Variants in KCNH8 observed in about 807,000 individuals in gnomAD.
KCNH8 encodes potassium voltage-gated channel subfamily H member 8, also known as voltage-gated delayed rectifier potassium channel KCNH8.
A neutral mutation model predicts 103.6 loss-of-function variants in KCNH8; 70 were observed. The observed-to-expected ratio is 0.68, with a 90% CI of 0.56 to 0.82. KCNH8 has a LOEUF of 0.82. KCNH8 is among the 40% of genes least tolerant of loss of function. The pLI is 0.00. For missense variants in KCNH8, 1,217 were observed against 1,329.9 expected (o/e 0.92, Z 1.32); for synonymous variants, 498 against 489.4 (o/e 1.02, Z -0.23).
At chr3:19,294,093 T>G (rs911149997) in intron 3 of KCNH8, among the ~76,000 whole-genome samples, 1 of 152,220 alleles carries the variant, frequency 6.6e-6, no homozygotes, top group African/African-American at 2.4e-5. Flanking sequence ...AATGTGTTCT[T>G]ACTGCTGGTA....
At chr3:19,283,576 T>C (rs537374056) in intron 3 of KCNH8, among the ~76,000 whole-genome samples, 65 of 152,130 alleles carry the variant, frequency 4.3e-4, no homozygotes, top group African/African-American at 1.5e-3. Flanking sequence ...TACCTTATTA[T>C]AAATGTCCCA....
chr3:19,510,259 C>T (rs2068760683), intron 11 of KCNH8, 104 bp from the exon 12 acceptor site: 4 of 743,058 alleles, frequency 5.4e-6, no homozygotes, highest in Non-Finnish European at 7.3e-6. Flanking sequence ...CCTTCCCTCC[C>T]ACAAACTCTG....
intron 11 of KCNH8, among the ~76,000 whole-genome samples, chr3:19,507,193 G>T (rs1384977173): frequency 1.3e-5 from 2 of 152,230 alleles, no homozygotes; most frequent in Non-Finnish European, 2.9e-5. Flanking sequence ...TATGGTGGCT[G>T]TGGTGTGCTT....
chr3:19,234,437 C>A (rs903676974), intron 1 of KCNH8, among the ~76,000 whole-genome samples: 2 of 152,248 alleles, frequency 1.3e-5, no homozygotes, highest in African/African-American at 4.8e-5. Context: ...CCGCGAGAAG[C>A]CAGCTAAGGC....
At chr3:19,306,583 T>G (rs1158194474) in intron 3 of KCNH8, among the ~76,000 whole-genome samples, 1 of 152,040 alleles carries the variant, frequency 6.6e-6, no homozygotes, top group East Asian at 1.9e-4. Flanking sequence ...TACCTAAGTT[T>G]CCATCTGAAG....
At chr3:19,430,369 G>A (rs1441874039) in intron 7 of KCNH8, among the ~76,000 whole-genome samples, 4 of 151,860 alleles carry the variant, frequency 2.6e-5, no homozygotes, top group African/African-American at 9.7e-5. Flanking sequence ...GGTTACTGTA[G>A]CCTGGTAGTA....
chr3:19,335,193 A>G (rs2065565923), intron 3 of KCNH8, among the ~76,000 whole-genome samples: 1 of 151,872 alleles, frequency 6.6e-6, no homozygotes, highest in South Asian at 2.1e-4. Flanking sequence ...CCTTTTTAAA[A>G]AACACAAATG....
intron 1 of KCNH8, among the ~76,000 whole-genome samples, chr3:19,212,105 C>T (rs2063777060): frequency 1.3e-5 from 2 of 152,182 alleles, no homozygotes; most frequent in Admixed American, 6.5e-5. Flanking sequence ...CTTGGGATTA[C>T]ATTATCACCT....
At chr3:19,226,026 T>C (rs970749493) in intron 1 of KCNH8, among the ~76,000 whole-genome samples, 1 of 152,234 alleles carries the variant, frequency 6.6e-6, no homozygotes, top group Non-Finnish European at 1.5e-5. Context: ...TATTTTGAAG[T>C]AATTCTTTTG....
At chr3:19,326,346 A>G (rs887957202) in intron 3 of KCNH8, among the ~76,000 whole-genome samples, 1 of 123,384 alleles carries the variant, frequency 8.1e-6, no homozygotes, top group East Asian at 2.2e-4. Context: ...TGAACTTACA[A>G]TGAAAGTTAA....
At chr3:19,198,374 G>A (rs2063623065) in intron 1 of KCNH8, among the ~76,000 whole-genome samples, 1 of 151,998 alleles carries the variant, frequency 6.6e-6, no homozygotes. Flanking sequence ...AGCAAGTAGA[G>A]CAAACAAGGC....
At chr3:19,482,810 G>C (rs988621794) in intron 11 of KCNH8, among the ~76,000 whole-genome samples, 2 of 152,162 alleles carry the variant, frequency 1.3e-5, no homozygotes, top group African/African-American at 2.4e-5. Flanking sequence ...TCAGCTGCTA[G>C]CAAGTAGTAG....
At chr3:19,337,844 T>C (rs1428525397) in intron 3 of KCNH8, among the ~76,000 whole-genome samples, 3 of 152,028 alleles carry the variant, frequency 2.0e-5, no homozygotes, top group Non-Finnish European at 2.9e-5. Context: ...AAAACTCAAA[T>C]GTTCTCATGT....
chr3:19,373,232 A>C (rs1050385902), intron 5 of KCNH8, among the ~76,000 whole-genome samples: 1 of 152,030 alleles, frequency 6.6e-6, no homozygotes, highest in African/African-American at 2.4e-5. Flanking sequence ...CTGTGAATCC[A>C]TCTGGTCCTG....
At chr3:19,218,783 C>G (rs1392675555) in intron 1 of KCNH8, among the ~76,000 whole-genome samples, 1 of 152,212 alleles carries the variant, frequency 6.6e-6, no homozygotes, top group Non-Finnish European at 1.5e-5. Flanking sequence ...AGCTCCTCTC[C>G]TAGCTTCTGA....
At chr3:19,438,136 C>T (rs1420898320) in intron 7 of KCNH8, 28 bp from the exon 8 acceptor site, 2 of 1,579,750 alleles carry the variant, frequency 1.3e-6, no homozygotes, top group Non-Finnish European at 8.7e-7. Context: ...TTTTTCTTCT[C>T]TCATTTGCTT....
intron 1 of KCNH8, among the ~76,000 whole-genome samples, chr3:19,224,986 A>C (rs1265828232): frequency 6.6e-6 from 1 of 152,138 alleles, no homozygotes; most frequent in African/African-American, 2.4e-5. Context: ...AAAGAAAAAC[A>C]GAGGCAACCG....
chr3:19,320,226 T>C (rs2065331495), intron 3 of KCNH8, among the ~76,000 whole-genome samples: 1 of 152,088 alleles, frequency 6.6e-6, no homozygotes. Context: ...TGGGCATCCC[T>C]GTCTTGATTC....
chr3:19,427,808 G>C (rs1016299071), intron 7 of KCNH8, among the ~76,000 whole-genome samples: 1 of 152,120 alleles, frequency 6.6e-6, no homozygotes, highest in Non-Finnish European at 1.5e-5. Context: ...TAAAAATAAT[G>C]CAAGGTCTGC....
Sources: allele counts gnomAD v4.1 joint callset (sites outside exome capture counted in the v4.1 genomes callset), GRCh38; gene constraint gnomAD v4.1.1; transcripts MANE v1.5; gene names NCBI Gene and HGNC (gene_info 2026-07-23, HGNC 2026-07-21).